Variants in BSN observed in about 807,000 individuals in gnomAD.
BSN encodes the protein protein bassoon.
In BSN, 57 loss-of-function variants were observed where a neutral mutation model predicts 264.8. The observed-to-expected ratio is 0.22, with a 90% CI of 0.17 to 0.27. The LOEUF is 0.27. Ranked by LOEUF, BSN falls within the 10% of genes least tolerant of loss-of-function variation. BSN has a pLI of 1.00. For synonymous variants in BSN, 2,059 were observed against 2,137.3 expected (o/e 0.96, Z 1.01); for missense variants, 4,615 against 5,232.5 (o/e 0.88, Z 3.64).
chr3:49,589,415 G>A (rs2051960760), intron 1 of BSN, among the ~76,000 whole-genome samples: 1 of 151,730 alleles, frequency 6.6e-6, no homozygotes, highest in African/African-American at 2.4e-5. Context: ...CTGTTCTTAG[G>A]TCTATGTATG....
intron 2 of BSN, among the ~76,000 whole-genome samples, chr3:49,631,812 G>T (rs2052385991): frequency 6.6e-6 from 1 of 152,178 alleles, no homozygotes; most frequent in Non-Finnish European, 1.5e-5. Context: ...CAGTAGGAAG[G>T]TCAGATGTGC....
chr3:49,607,490 C>T (rs924093900), intron 1 of BSN, among the ~76,000 whole-genome samples: 2 of 152,168 alleles, frequency 1.3e-5, no homozygotes, highest in Non-Finnish European at 2.9e-5. Context: ...TAGCAACGTG[C>T]CATGTAGGGT....
chr3:49,656,236 C>T lies in BSN; in HGVS notation c.6680C>T (p.Pro2227Leu), dbSNP rs2052598280. 1 of 1,611,242 alleles carries T rather than the reference C, an allele frequency of 6.2e-7. No individual in the cohort carries two copies. Among genetic ancestry groups the T allele is most frequent in the Admixed American group, 1.7e-5 (1 of 59,884 alleles). Residue 2227 changes from proline to leucine, a missense_variant, in exon 5 of 12, where the codon CCT becomes CTT. Pro to Leu is a moderately conservative substitution (Grantham distance 98). Coordinates refer to ENST00000296452, the MANE Select transcript of BSN (RefSeq NM_003458.4). ...RPMVRGGMYR[P>L]YASGGITAVP... ...ATGGTGCGTGGTGGCATGTACAGGC[C>T]TTACGCATCTGGTGGAATCACAGCC... is the stretch of plus-strand genomic sequence containing the variant.
In BSN at chr3:49,642,614, A is replaced by G. The variant is rs1030685687; in HGVS notation, c.980A>G (p.Lys327Arg). The change falls in exon 3 of 12, where the codon AAA (lysine) becomes AGA (arginine). Residue 327 changes from lysine (K) to arginine (R), a missense_variant. By Grantham distance (26) the Lys-to-Arg change is conservative (BLOSUM62 2). This residue lies in a region of BSN where 1,197 missense variants were observed against 1,348.0 expected (regional missense o/e 0.89). Coordinates refer to ENST00000296452, the MANE Select transcript of BSN (RefSeq NM_003458.4). The surrounding 1 kb of genome is among the most constrained non-coding windows in gnomAD (Gnocchi z 7.0). ...PRPPAGEAPA[K>R]SATAVPAGLG... ...CCACCTGCAGGAGAGGCCCCGGCCA[A>G]AAGTGCCACCGCAGTGCCCGCTGGG... 5 of 1,603,700 alleles carry G rather than the reference A, an allele frequency of 3.1e-6. No homozygotes were observed. The highest frequency in any genetic ancestry group is 4.3e-6 in the Non-Finnish European group (5 of 1,173,892).
chr3:49,616,957 C>G (rs901239072), intron 1 of BSN, among the ~76,000 whole-genome samples: 2 of 152,134 alleles, frequency 1.3e-5, no homozygotes, highest in Non-Finnish European at 2.9e-5. Context: ...TCTCTGTTCC[C>G]GTTCCCAGCA....
At chr3:49,598,892 ATCTT>A (rs749840328) in intron 1 of BSN, among the ~76,000 whole-genome samples, 4 of 152,182 alleles carry the variant, frequency 2.6e-5, no homozygotes, top group Non-Finnish European at 5.9e-5. Context: ...ATAAAACTAC[ATCTT>A]TCTTTCTTTT....
intron 1 of BSN, among the ~76,000 whole-genome samples, chr3:49,577,824 G>A (rs1367101479): frequency 1.3e-5 from 2 of 152,140 alleles, no homozygotes; most frequent in African/African-American, 2.4e-5. Context: ...ACAGGCATGA[G>A]CCAACGCGTC....
rs181372356 is a variant in BSN, at chr3:49,554,951, C to T, written c.224+125C>T. 1,756 of 544,596 alleles carry T rather than the reference C, an allele frequency of 3.2e-3. 5 individuals are homozygous for T. Among genetic ancestry groups the T allele is most frequent in the Admixed American group, 4.4e-3 (91 of 20,584 alleles). 33.7% of individuals were successfully genotyped at this position (544,596 alleles called of 1,614,324 possible). A position where few individuals can be genotyped will look rare whatever the true frequency, so the allele number is the denominator to read the frequency against. ...CGTCCGGCCGCACTCTGAACCCTGC[C>T]GGATTGGCGTGAACTGGGTGGTCGC... On this transcript the variant is annotated intron_variant, in intron 1 of 11. Transcript: ENST00000296452.
At chr3:49,557,570 T>C (rs1181380251) in intron 1 of BSN, among the ~76,000 whole-genome samples, 1 of 150,772 alleles carries the variant, frequency 6.6e-6, no homozygotes, top group Non-Finnish European at 1.5e-5. Flanking sequence ...GACTTGCACC[T>C]GTCAGTTTTT....
chr3:49,583,247 G>A (rs2051908551), intron 1 of BSN, among the ~76,000 whole-genome samples: 1 of 152,102 alleles, frequency 6.6e-6, no homozygotes, highest in South Asian at 2.1e-4. Context: ...GGGATTACAG[G>A]TGTGAGCCAC....
At chr3:49,667,242 A>G (rs1473463232) in intron 11 of BSN, among the ~76,000 whole-genome samples, 5 of 151,448 alleles carry the variant, frequency 3.3e-5, no homozygotes, top group East Asian at 1.9e-4. Context: ...CTTTACGGCA[A>G]TTTCAGAGAT....
chr3:49,600,451 C>T (rs1459364968), intron 1 of BSN, among the ~76,000 whole-genome samples: 1 of 152,150 alleles, frequency 6.6e-6, no homozygotes, highest in Admixed American at 6.5e-5. Flanking sequence ...GAATGTCAGG[C>T]TAAAGCATTT....
intron 3 of BSN, among the ~76,000 whole-genome samples, chr3:49,650,357 T>A (rs1336011839): frequency 6.6e-6 from 1 of 152,156 alleles, no homozygotes; most frequent in Non-Finnish European, 1.5e-5. Flanking sequence ...GGTGAAAAGT[T>A]CTCTGTGGGT....
intron 1 of BSN, among the ~76,000 whole-genome samples, chr3:49,564,762 T>C (rs1449528973): frequency 1.3e-5 from 2 of 152,138 alleles, no homozygotes; most frequent in Non-Finnish European, 2.9e-5. Flanking sequence ...ATAGTTCAGG[T>C]GACATGACAG....
chr3:49,650,795 C>A lies in BSN; in HGVS notation c.1702C>A (p.Leu568Met), dbSNP rs1467844788. ...PQGLGQPSGP[L>M]PAKASPLSTK... ...GGGGCTGGGCCAGCCTTCAGGCCCC[C>A]TGCCTGCCAAGGCCAGCCCTCTATC... Residue 568 changes from leucine to methionine, a missense_variant, in exon 4 of 12, where the codon CTG becomes ATG. Physicochemically the swap from Leu to Met is conservative, Grantham distance 15. Around this residue, in one of 3 missense-constraint regions of BSN, gnomAD observed 1,197 missense variants for 1,348.0 expected, o/e 0.89. Transcript: ENST00000296452. 1 of 1,613,860 alleles carries A rather than the reference C, an allele frequency of 6.2e-7. No individual in the cohort carries two copies. Among genetic ancestry groups the A allele is most frequent in the Admixed American group, 1.7e-5 (1 of 59,968 alleles).
At chr3:49,598,853 T>C (rs995615122) in intron 1 of BSN, among the ~76,000 whole-genome samples, 3 of 152,170 alleles carry the variant, frequency 2.0e-5, no homozygotes, top group African/African-American at 7.2e-5. Context: ...GAAAAAGAAA[T>C]AAAAGGCATA....
intron 2 of BSN, among the ~76,000 whole-genome samples, chr3:49,632,140 T>C (rs1020078316): frequency 9.2e-5 from 14 of 152,202 alleles, no homozygotes; most frequent in African/African-American, 2.9e-4. Context: ...AAAATGAAGT[T>C]GGACCTTTTC....
Position 49,600,430 on chromosome 3 carries a change from C to T in BSN, c.225-24545C>T, listed in dbSNP as rs2052065003. On this transcript the variant is annotated intron_variant, in intron 1 of 11. Coordinates refer to ENST00000296452, the MANE Select transcript of BSN (RefSeq NM_003458.4). ...TTGAGTAGGGTGGTGAGACCAGAAG[C>T]CAAGGGCTTGGAATGTCAGGCTAAA... is the stretch of plus-strand genomic sequence containing the variant. 4.6e-5 allele frequency among the ~76,000 whole-genome samples: 7 copies of T among 152,222 alleles called. 1 individual carries two copies. The South Asian group carries it at 1.5e-3, about 32-fold the overall frequency.
At chr3:49,612,222 G>A (rs947338643) in intron 1 of BSN, among the ~76,000 whole-genome samples, 6 of 150,738 alleles carry the variant, frequency 4.0e-5, no homozygotes, top group Non-Finnish European at 7.4e-5. Flanking sequence ...TGCAAGCTCC[G>A]CCTCCCGGGT....
Sources: gnomAD v4.1 joint callset for allele counts (sites outside exome capture counted in the v4.1 genomes callset) on GRCh38, gnomAD v4.1.1 for gene constraint, gnomAD v4.1.1 regional missense constraint, Gnocchi (gnomAD v3.1) non-coding constraint, MANE v1.5 for transcripts, NCBI Gene and HGNC (gene_info 2026-07-23, HGNC 2026-07-21) for gene names.